The following PIK3R4 variants were observed in gnomAD, a reference collection of about 807,000 sequenced individuals.
The protein encoded by PIK3R4 is phosphoinositide 3-kinase regulatory subunit 4.
PIK3R4 carries 46 observed loss-of-function variants against 136.5 expected under a neutral mutation model. The ratio of observed to expected loss-of-function variants is 0.34; its 90% confidence interval spans 0.27 to 0.43. The LOEUF is 0.43. Ranked by LOEUF, PIK3R4 falls within the 20% of genes least tolerant of loss-of-function variation. The pLI is 1.00. For synonymous variants in PIK3R4, 557 were observed against 566.7 expected, an observed-to-expected ratio of 0.98 and a Z score of 0.24; for missense variants, 1,331 against 1,649.5, an observed-to-expected ratio of 0.81 and a Z score of 3.35.
At chr3:130,715,774 C>T (rs1022189953) in intron 9 of PIK3R4, among the ~76,000 whole-genome samples, 1 of 152,066 alleles carries the variant, frequency 6.6e-6, no homozygotes, top group Non-Finnish European at 1.5e-5. Flanking sequence ...TTTGTCAATT[C>T]TGGCCTTTGT....
At chr3:130,731,965 G>C (rs1230224076) in intron 4 of PIK3R4, among the ~76,000 whole-genome samples, 1 of 152,154 alleles carries the variant, frequency 6.6e-6, no homozygotes, top group African/African-American at 2.4e-5. Flanking sequence ...ATTCCAGCCT[G>C]GGTGATCACA....
At chr3:130,741,639 T>C (rs76975882) in intron 2 of PIK3R4, among the ~76,000 whole-genome samples, 5 of 152,118 alleles carry the variant, frequency 3.3e-5, no homozygotes, top group Non-Finnish European at 7.3e-5. Flanking sequence ...TATCTTAAAG[T>C]AGTGCCCTAC....
chr3:130,705,698 G>A lies in PIK3R4; in HGVS notation c.2795C>T (p.Thr932Ile), dbSNP rs758459976. The change falls in exon 12 of 20, where the codon ACC becomes ATC. Residue 932 changes from threonine to isoleucine, a missense_variant. This residue lies in a region of PIK3R4 where 1,180 missense variants were observed against 1,407.0 expected (regional missense o/e 0.84). Transcript: ENST00000356763. ...PVLSSTILPS[T>I]YQIRITTCKT... Reference sequence around the variant, plus strand: ...ACAAGTTGTAATTCGAATCTGATAGGTGGATGGTAAGATTGTACTACTTAA... The same window carrying A: ...ACAAGTTGTAATTCGAATCTGATAGATGGATGGTAAGATTGTACTACTTAA... The A allele has an allele frequency of 2.5e-6, 4 of 1,611,760 alleles. No homozygotes were observed. The highest frequency in any genetic ancestry group is 2.7e-5 in the African/African-American group (2 of 74,854).
At chr3:130,715,796 T>G (rs1321277618) in intron 9 of PIK3R4, among the ~76,000 whole-genome samples, 1 of 152,182 alleles carries the variant, frequency 6.6e-6, no homozygotes, top group African/African-American at 2.4e-5. Context: ...GCAATTGCTT[T>G]TGGCCTTTTT....
chr3:130,706,311 C>T (rs72998223), intron 11 of PIK3R4, among the ~76,000 whole-genome samples: 3,587 of 152,252 alleles, frequency 0.024, 161 homozygotes, highest in African/African-American at 0.08. Flanking sequence ...TGCTCAGAAC[C>T]TTACATTAGC....
At position 130,726,673 on chromosome 3, in the gene PIK3R4, G is replaced by C. The variant is rs561028766; in HGVS notation, c.1807+1790C>G. 2.6e-5 allele frequency among the ~76,000 whole-genome samples: 4 copies of C among 151,984 alleles called. No individual in the cohort carries two copies. In the South Asian group the frequency reaches 8.3e-4, roughly 32 times the overall value. ...ATTAATGGTCATTTATTTTCTTCTG[G>C]TTTCCGTATTTTCCAAATTTTTCTA... is the stretch of plus-strand genomic sequence containing the variant. On this transcript the variant is annotated intron_variant, in intron 6 of 19. Coordinates refer to ENST00000356763, the MANE Select transcript of PIK3R4 (RefSeq NM_014602.3).
chr3:130,697,063 CTTTTTTT>C (rs60432343), intron 13 of PIK3R4, among the ~76,000 whole-genome samples: 8 of 73,024 alleles, frequency 1.1e-4, no homozygotes, highest in Non-Finnish European at 1.6e-4. Flanking sequence ...GCCACTCCAG[CTTTTTTT>C]TTTTTTTTTT....
chr3:130,707,364 A>G (rs1392245501), intron 10 of PIK3R4, among the ~76,000 whole-genome samples: 1 of 152,196 alleles, frequency 6.6e-6, no homozygotes, highest in African/African-American at 2.4e-5. Flanking sequence ...GTTAATAATA[A>G]GACCTAATTA....
intron 6 of PIK3R4, among the ~76,000 whole-genome samples, chr3:130,724,457 A>G (rs2066720406): frequency 6.6e-6 from 1 of 152,148 alleles, no homozygotes; most frequent in South Asian, 2.1e-4. Context: ...TCCACAGTCA[A>G]TAAAATTTAC....
intron 3 of PIK3R4, 139 bp from the exon 4 acceptor site, chr3:130,734,269 C>G: frequency 1.5e-6 from 1 of 662,926 alleles, no homozygotes; most frequent in Non-Finnish European, 2.6e-6. Flanking sequence ...ACTCCATCAT[C>G]CTAGAAAGCA....
chr3:130,705,121 A>G (rs1423118958), intron 12 of PIK3R4, among the ~76,000 whole-genome samples: 4 of 152,114 alleles, frequency 2.6e-5, no homozygotes, highest in Non-Finnish European at 5.9e-5. Context: ...ATGAGCCACC[A>G]CAACCAGCCT....
intron 5 of PIK3R4, among the ~76,000 whole-genome samples, chr3:130,729,019 A>G (rs1234175310): frequency 1.3e-5 from 2 of 152,210 alleles, no homozygotes; most frequent in African/African-American, 4.8e-5. Context: ...GATCCCAGTT[A>G]ATCAAGGACT....
chr3:130,704,775 A>G (rs1347257080), intron 12 of PIK3R4, among the ~76,000 whole-genome samples: 1 of 152,112 alleles, frequency 6.6e-6, no homozygotes, highest in Admixed American at 6.6e-5. Context: ...AATGTTGATC[A>G]TCGTTAAGGC....
At chr3:130,704,215 A>G (rs1222224304) in intron 12 of PIK3R4, among the ~76,000 whole-genome samples, 2 of 152,142 alleles carry the variant, frequency 1.3e-5, no homozygotes, top group Non-Finnish European at 2.9e-5. Context: ...CTGAACTACA[A>G]AATTTGACAT....
chr3:130,696,893 T>G (rs978722023), intron 13 of PIK3R4, among the ~76,000 whole-genome samples: 4 of 152,070 alleles, frequency 2.6e-5, no homozygotes, highest in Non-Finnish European at 4.4e-5. Flanking sequence ...TCCCTTCAAT[T>G]CTATCGGTTT....
rs187203548 is a variant in PIK3R4 at position 130,691,715 on chromosome 3, A to T, written c.3099-1061T>A. Among the ~76,000 whole-genome samples, 10 of 148,428 alleles carry T rather than the reference A, an allele frequency of 6.7e-5. No homozygotes were observed. In the Admixed American group the frequency reaches 7.0e-4, roughly 10 times the overall value. On this transcript the variant is annotated intron_variant, in intron 13 of 19. Transcript: ENST00000356763. ...GCATATTAAGTGTACTAAATACAGA[A>T]ATGTAAAAACATTTATAATACCACC...
At chr3:130,705,851 C>A in intron 11 of PIK3R4, 80 bp from the exon 12 acceptor site, 1 of 740,152 alleles carries the variant, frequency 1.4e-6, no homozygotes, top group Non-Finnish European at 2.2e-6. Context: ...ATGTTTTTAT[C>A]TATAAATTAT....
intron 13 of PIK3R4, among the ~76,000 whole-genome samples, chr3:130,699,675 G>C (rs2066565244): frequency 6.6e-6 from 1 of 152,132 alleles, no homozygotes; most frequent in African/African-American, 2.4e-5. Flanking sequence ...CTTTATGGAG[G>C]AACAGATTTT....
intron 3 of PIK3R4, among the ~76,000 whole-genome samples, chr3:130,734,906 C>T (rs1170987834): frequency 6.6e-6 from 1 of 152,128 alleles, no homozygotes; most frequent in African/African-American, 2.4e-5. Context: ...TAGTAGTGAA[C>T]ATGGGGGACT....
Sources: gnomAD v4.1 joint callset for allele counts (sites outside exome capture counted in the v4.1 genomes callset) on GRCh38, gnomAD v4.1.1 for gene constraint, gnomAD v4.1.1 regional missense constraint, MANE v1.5 for transcripts, NCBI Gene and HGNC (gene_info 2026-07-23, HGNC 2026-07-21) for gene names.